Variants in KLF12 observed in about 807,000 individuals in gnomAD.
KLF12 encodes Krueppel-like factor 12.
Under a neutral mutation model 37.8 loss-of-function variants are expected in KLF12, and 9 were observed. The observed-to-expected ratio is 0.24, with a 90% CI of 0.14 to 0.42. KLF12 has a LOEUF of 0.42. Among genes scored for constraint, KLF12 ranks in the 10% least tolerant of loss-of-function variants. The probability of loss-of-function intolerance (pLI) is 1.00; values close to 1 mark genes in which losing one functional copy is unlikely to be tolerated. For missense variants in KLF12, 411 were observed against 516.0 expected, an observed-to-expected ratio of 0.80 and a Z score of 1.97; for synonymous variants, 208 against 202.1, an observed-to-expected ratio of 1.03 and a Z score of -0.25.
chr13:73,828,165 C>T (rs1883952834), intron 4 of KLF12, among the ~76,000 whole-genome samples: 1 of 152,082 alleles, frequency 6.6e-6, no homozygotes, highest in African/African-American at 2.4e-5. Flanking sequence ...TATTGCATTG[C>T]TTTCTGGCAT....
At chr13:74,252,977 GTCTA>G in the KLF12 span, among the ~76,000 whole-genome samples, 39,434 of 147,056 alleles carry the variant, frequency 0.27, 6,010 homozygotes, top group Non-Finnish European at 0.34. Flanking sequence ...TCTGTCATCT[GTCTA>G]TCTATCTATC....
intron 3 of KLF12, among the ~76,000 whole-genome samples, chr13:73,907,808 A>T (rs1888375478): frequency 6.6e-6 from 1 of 152,108 alleles, no homozygotes; most frequent in African/African-American, 2.4e-5. Flanking sequence ...CTCACAGTGA[A>T]AGCCTAAGTC....
intron 4 of KLF12, among the ~76,000 whole-genome samples, chr13:73,834,956 TA>T (rs1458405462): frequency 1.3e-5 from 2 of 152,106 alleles, no homozygotes; most frequent in East Asian, 3.9e-4. Flanking sequence ...TCCATAGTTT[TA>T]AAAAACACTA....
At chr13:74,204,595 TA>T in the KLF12 span, among the ~76,000 whole-genome samples, 1 of 152,136 alleles carries the variant, frequency 6.6e-6, no homozygotes, top group African/African-American at 2.4e-5. Flanking sequence ...CTTGCCCAAT[TA>T]TTTGAGGAGG....
At chr13:74,144,140 G>A in the KLF12 span, among the ~76,000 whole-genome samples, 1 of 152,142 alleles carries the variant, frequency 6.6e-6, no homozygotes, top group Non-Finnish European at 1.5e-5. Context: ...GCATGTAGTA[G>A]GCACTCAACA....
chr13:74,147,929 T>C, the KLF12 span, among the ~76,000 whole-genome samples: 120 of 152,202 alleles, frequency 7.9e-4, no homozygotes, highest in Middle Eastern at 3.4e-3. Flanking sequence ...TCTTTTTTTT[T>C]GAGACAGAGT....
chr13:74,281,757 T>A, the KLF12 span, among the ~76,000 whole-genome samples: 1 of 152,186 alleles, frequency 6.6e-6, no homozygotes. Flanking sequence ...GTTGCAATCT[T>A]CTCTGTGGGT....
chr13:73,756,276 T>A (rs926442891), intron 6 of KLF12, among the ~76,000 whole-genome samples: 2 of 152,216 alleles, frequency 1.3e-5, no homozygotes, highest in Non-Finnish European at 2.9e-5. Context: ...AGGCAGTTCC[T>A]CTGTTTTCTG....
At chr13:74,220,180 C>A in the KLF12 span, among the ~76,000 whole-genome samples, 65 of 151,986 alleles carry the variant, frequency 4.3e-4, no homozygotes, top group Admixed American at 1.6e-3. Flanking sequence ...TAATTATGTC[C>A]CAGTTGCTGT....
chr13:73,823,519 TAAACCTGCAAGGTTAAAGATAAG>T (rs1016678800), intron 4 of KLF12, among the ~76,000 whole-genome samples: 1 of 152,198 alleles, frequency 6.6e-6, no homozygotes, highest in African/African-American at 2.4e-5. Flanking sequence ...AGAATATATT[TAAACCTGCAAGGTTAAAGATAAG>T]TCTTGATACA....
chr13:73,750,510 CAACA>C (rs773769909), intron 6 of KLF12, among the ~76,000 whole-genome samples: 1 of 152,066 alleles, frequency 6.6e-6, no homozygotes. Flanking sequence ...ACACACGGGC[CAACA>C]AATACAGTAA....
chr13:74,076,172 T>A (rs1874548786), intron 1 of KLF12, among the ~76,000 whole-genome samples: 1 of 152,220 alleles, frequency 6.6e-6, no homozygotes, highest in Admixed American at 6.5e-5. Flanking sequence ...GATAAAGCTA[T>A]TATATTTTTT....
chr13:74,092,515 T>G (rs1432776515), intron 1 of KLF12, among the ~76,000 whole-genome samples: 1 of 150,178 alleles, frequency 6.7e-6, no homozygotes, highest in African/African-American at 2.5e-5. Context: ...TCCCAACTAC[T>G]TGGGAGGCTG....
At chr13:74,014,303 A>G (rs894754125) in intron 1 of KLF12, among the ~76,000 whole-genome samples, 4 of 152,202 alleles carry the variant, frequency 2.6e-5, no homozygotes, top group African/African-American at 9.6e-5. Context: ...ATTCCATGCT[A>G]ATGAAGTTTT....
chr13:74,227,672 C>A, the KLF12 span, among the ~76,000 whole-genome samples: 3 of 152,068 alleles, frequency 2.0e-5, no homozygotes, highest in East Asian at 1.9e-4. Flanking sequence ...CAGCTCTGCA[C>A]AAACCTAGGC....
the KLF12 span, among the ~76,000 whole-genome samples, chr13:74,287,847 C>T: frequency 1.3e-5 from 2 of 152,172 alleles, no homozygotes; most frequent in Non-Finnish European, 2.9e-5. Context: ...TCCATGTTAG[C>T]TGATCAAGCA....
At chr13:74,074,110 T>C (rs1034837845) in intron 1 of KLF12, among the ~76,000 whole-genome samples, 1 of 152,190 alleles carries the variant, frequency 6.6e-6, no homozygotes, top group African/African-American at 2.4e-5. Flanking sequence ...AAAAGCAATG[T>C]AAAACACTGT....
At chr13:73,940,281 G>A (rs8001741) in intron 3 of KLF12, among the ~76,000 whole-genome samples, 53,132 of 152,016 alleles carry the variant, frequency 0.35, 10,311 homozygotes, top group East Asian at 0.6. Flanking sequence ...CCCCTGAAGC[G>A]TATCACAAGA....
the KLF12 span, among the ~76,000 whole-genome samples, chr13:74,256,169 AAG>A: frequency 6.6e-6 from 1 of 151,918 alleles, no homozygotes; most frequent in African/African-American, 2.4e-5. Context: ...AAAAAAAAAA[AAG>A]AAGTCAGGAA....
Sources: allele counts gnomAD v4.1 joint callset (sites outside exome capture counted in the v4.1 genomes callset), GRCh38; gene constraint gnomAD v4.1.1; transcripts MANE v1.5; gene names NCBI Gene and HGNC (gene_info 2026-07-23, HGNC 2026-07-21).